Variants in KALRN observed in about 807,000 individuals in gnomAD.
The protein encoded by KALRN is kalirin.
In KALRN, 70 loss-of-function variants were observed where a neutral mutation model predicts 353.7. The ratio of observed to expected loss-of-function variants is 0.20; its 90% CI spans 0.16 to 0.24. The LOEUF (loss-of-function observed/expected upper bound fraction) is 0.24. Among genes scored for constraint, KALRN ranks in the 10% least tolerant of loss-of-function variants. The pLI is 1.00. For synonymous variants in KALRN, 1,391 were observed against 1,434.8 expected (o/e 0.97, Z 0.69); for missense variants, 2,791 against 3,756.7 (o/e 0.74, Z 6.72).
chr3:124,315,106 G>C (rs1205876185), intron 6 of KALRN, among the ~76,000 whole-genome samples: 1 of 152,174 alleles, frequency 6.6e-6, no homozygotes, highest in Non-Finnish European at 1.5e-5. Flanking sequence ...TTCAACATGA[G>C]GTTTGGAGAG....
At chr3:124,409,913 G>A (rs2091980307) in intron 13 of KALRN, among the ~76,000 whole-genome samples, 1 of 151,960 alleles carries the variant, frequency 6.6e-6, no homozygotes, top group African/African-American at 2.4e-5. Flanking sequence ...AAGGGAGGGG[G>A]AGTCCAACAG....
At chr3:124,171,004 A>G (rs1324060987) in intron 1 of KALRN, among the ~76,000 whole-genome samples, 1 of 151,334 alleles carries the variant, frequency 6.6e-6, no homozygotes, top group Non-Finnish European at 1.5e-5. Flanking sequence ...TTTAGTAGAG[A>G]CAGGGTTTCA....
chr3:124,466,168 A>G (rs2060331327), intron 25 of KALRN, among the ~76,000 whole-genome samples: 2 of 152,136 alleles, frequency 1.3e-5, no homozygotes, highest in South Asian at 2.1e-4. Context: ...GAACAGTTTA[A>G]TATGTAGAAT....
At chr3:124,301,493 T>A (rs1192773342) in intron 6 of KALRN, among the ~76,000 whole-genome samples, 1 of 152,160 alleles carries the variant, frequency 6.6e-6, no homozygotes, top group Admixed American at 6.5e-5. Context: ...CTCTCTGGCT[T>A]CAGGGTAAGG....
intron 5 of KALRN, among the ~76,000 whole-genome samples, chr3:124,288,940 A>T (rs2076186438): frequency 6.6e-6 from 1 of 152,226 alleles, no homozygotes; most frequent in Non-Finnish European, 1.5e-5. Context: ...TTGAGTCCAT[A>T]GATACTGTCT....
chr3:124,473,039 A>G (rs2061093839), intron 25 of KALRN, among the ~76,000 whole-genome samples: 1 of 152,238 alleles, frequency 6.6e-6, no homozygotes. Flanking sequence ...CAAAGAAGTC[A>G]TCTATTATCC....
chr3:124,322,939 G>T (rs1300341730), intron 6 of KALRN, among the ~76,000 whole-genome samples: 3 of 152,202 alleles, frequency 2.0e-5, no homozygotes, highest in Non-Finnish European at 4.4e-5. Context: ...TTCATATTCT[G>T]AAAAGGGGCT....
intron 1 of KALRN, among the ~76,000 whole-genome samples, chr3:124,202,577 G>A (rs1579324460): frequency 6.6e-6 from 1 of 151,988 alleles, no homozygotes; most frequent in African/African-American, 2.4e-5. Flanking sequence ...GAGAAGTCGG[G>A]TAACCTAATT....
At chr3:124,608,606 C>T (rs1298794627) in intron 34 of KALRN, among the ~76,000 whole-genome samples, 2 of 152,162 alleles carry the variant, frequency 1.3e-5, no homozygotes, top group Non-Finnish European at 2.9e-5. Flanking sequence ...CTAATTCTGG[C>T]TTCTGGGAGC....
At chr3:124,036,961 A>G (rs1288131239) in intron 1 of KALRN, among the ~76,000 whole-genome samples, 2 of 152,202 alleles carry the variant, frequency 1.3e-5, no homozygotes, top group African/African-American at 4.8e-5. Flanking sequence ...CCAGCCTACT[A>G]TTCTAGATTG....
chr3:124,468,921 A>G (rs2060615265), intron 25 of KALRN, among the ~76,000 whole-genome samples: 1 of 152,214 alleles, frequency 6.6e-6, no homozygotes, highest in Admixed American at 6.5e-5. Context: ...ATTGGGGCTG[A>G]TTATAGACGT....
At chr3:124,355,695 C>A in intron 10 of KALRN, among the ~76,000 whole-genome samples, 1 of 143,622 alleles carries the variant, frequency 7.0e-6, no homozygotes. Flanking sequence ...TAAACACCCT[C>A]AACTCTCTCC....
intron 6 of KALRN, among the ~76,000 whole-genome samples, chr3:124,320,781 G>T (rs547029359): frequency 6.6e-6 from 1 of 152,178 alleles, no homozygotes; most frequent in Non-Finnish European, 1.5e-5. Flanking sequence ...ATCTCTCTGG[G>T]TCAAGGAAAA....
At chr3:124,305,619 G>A (rs2149263420) in intron 6 of KALRN, among the ~76,000 whole-genome samples, 1 of 152,304 alleles carries the variant, frequency 6.6e-6, no homozygotes, top group Non-Finnish European at 1.5e-5. Context: ...TGCCATTGCA[G>A]GGTGCCTGTG....
chr3:124,666,559 G>A lies in KALRN; in HGVS notation c.6456G>A (p.Glu2152=), dbSNP rs1196462838. ...AAGAGAGGCGCGTGTTCCTCTTCGAGCAGATTGTCATCTTCAGTGAACTGC... is the reference window on the plus strand; with the variant it reads ...AAGAGAGGCGCGTGTTCCTCTTCGAACAGATTGTCATCTTCAGTGAACTGC... ...RTKERRVFLF[E]QIVIFSELLR... Residue 2152 remains glutamate, a synonymous_variant, in exon 46 of 60, where the codon GAG becomes GAA. Transcript: ENST00000682506. The A allele has an allele frequency of 3.1e-6, 5 of 1,614,064 alleles. No homozygotes were observed. The highest frequency in any genetic ancestry group is 1.3e-5 in the African/African-American group (1 of 75,028).
intron 34 of KALRN, among the ~76,000 whole-genome samples, chr3:124,590,026 C>CT (rs1210768149): frequency 1.3e-5 from 2 of 151,396 alleles, no homozygotes; most frequent in Admixed American, 1.3e-4. Flanking sequence ...TTCTTTTTTT[C>CT]TTTTTTTTAA....
intron 1 of KALRN, among the ~76,000 whole-genome samples, chr3:124,206,885 G>C (rs545548788): frequency 1.3e-5 from 2 of 152,314 alleles, no homozygotes; most frequent in African/African-American, 2.4e-5. Context: ...GCCTCAGACA[G>C]TCTTCTGTGG....
At chr3:124,104,695 A>G (rs779312965) in intron 1 of KALRN, among the ~76,000 whole-genome samples, 3 of 152,224 alleles carry the variant, frequency 2.0e-5, no homozygotes, top group Non-Finnish European at 4.4e-5. Flanking sequence ...AGAGACTCAG[A>G]TGTGTAAAAA....
At chr3:124,513,688 C>T (rs899808381) in intron 33 of KALRN, among the ~76,000 whole-genome samples, 1 of 152,188 alleles carries the variant, frequency 6.6e-6, no homozygotes, top group African/African-American at 2.4e-5. Context: ...GTTCAGAGTT[C>T]TCTCAGAGGG....
Sources: allele counts gnomAD v4.1 joint callset (sites outside exome capture counted in the v4.1 genomes callset), GRCh38; gene constraint gnomAD v4.1.1; transcripts MANE v1.5; gene names NCBI Gene and HGNC (gene_info 2026-07-23, HGNC 2026-07-21).